The following RBP2 variants were observed in gnomAD, a reference collection of about 807,000 sequenced individuals.
The protein encoded by RBP2 is retinol binding protein 2, also known as retinol-binding protein 2.
In RBP2, 17 loss-of-function variants were observed where a neutral mutation model predicts 17.0. The observed-to-expected ratio is 1.00, with a 90% CI of 0.68 to 1.50. The LOEUF (loss-of-function observed/expected upper bound fraction) is 1.50. RBP2 is among the 40% of genes most tolerant of loss of function. RBP2 has a pLI of 0.00. For synonymous variants in RBP2, 48 were observed against 57.1 expected (o/e 0.84, Z 0.72); for missense variants, 158 against 168.2 (o/e 0.94, Z 0.33).
intron 1 of RBP2, among the ~76,000 whole-genome samples, chr3:139,464,465 C>A (rs1031967981): frequency 1.3e-5 from 2 of 151,902 alleles, no homozygotes; most frequent in Non-Finnish European, 2.9e-5. Flanking sequence ...AAAAAAAAAT[C>A]CTTCTTTGGT....
chr3:139,467,861 T>C (rs1262699978), intron 1 of RBP2, among the ~76,000 whole-genome samples: 3 of 152,176 alleles, frequency 2.0e-5, no homozygotes, highest in African/African-American at 4.8e-5. Flanking sequence ...CTTACTGTCA[T>C]AGACTTGGTC....
At chr3:139,459,400 A>ATGTGTGTGTGTGTGTGTGTGTGTG (rs57107462) in intron 2 of RBP2, among the ~76,000 whole-genome samples, 2 of 128,552 alleles carry the variant, frequency 1.6e-5, no homozygotes, top group African/African-American at 5.9e-5. Context: ...TACTATATAT[A>ATGTGTGTGTGTGTGTGTGTGTGTG]TGTGTGTGTG....
At chr3:139,465,438 A>G (rs1172798715) in intron 1 of RBP2, among the ~76,000 whole-genome samples, 1 of 152,074 alleles carries the variant, frequency 6.6e-6, no homozygotes, top group Non-Finnish European at 1.5e-5. Context: ...TTTTATCCTC[A>G]TTTTGCCACG....
rs972977952 is a variant in RBP2 at position 139,474,753 on chromosome 3, G to A, written c.73+1634C>T. On this transcript the variant is annotated intron_variant, in intron 1 of 3. Coordinates refer to ENST00000232217, the MANE Select transcript of RBP2 (RefSeq NM_004164.3). Reference sequence around the variant, plus strand: ...CAAGCCCTGGACTCTAGTCCGAGCTGTGTTGACCCTTCTGCTTTGGTTTCC... The same window carrying A: ...CAAGCCCTGGACTCTAGTCCGAGCTATGTTGACCCTTCTGCTTTGGTTTCC... 3.3e-5 allele frequency among the ~76,000 whole-genome samples: 5 copies of A among 152,182 alleles called. No individual in the cohort carries two copies. The East Asian group carries it at 5.8e-4, about 18-fold the overall frequency.
rs1390389313 is a variant in RBP2, at chr3:139,462,095, C to G, written c.252+17G>C. 5 of 1,607,376 alleles carry G rather than the reference C, an allele frequency of 3.1e-6. No individual in the cohort carries two copies. Among genetic ancestry groups the G allele is most frequent in the Non-Finnish European group, 4.3e-6 (5 of 1,174,912 alleles). ...GCACAGAATGTGTGAATGAAAAACA[C>G]CAGCCCCGGTCAGTACCTTAACATG... On this transcript the variant is annotated intron_variant, in intron 2 of 3. Coordinates refer to ENST00000232217, the MANE Select transcript of RBP2 (RefSeq NM_004164.3).
chr3:139,469,902 G>A (rs964491806), intron 1 of RBP2, among the ~76,000 whole-genome samples: 2 of 152,140 alleles, frequency 1.3e-5, no homozygotes, highest in African/African-American at 4.8e-5. Flanking sequence ...GCTGAGGAAA[G>A]GGCTGTGGGT....
intron 3 of RBP2, among the ~76,000 whole-genome samples, chr3:139,454,418 C>T (rs530481566): frequency 1.3e-5 from 2 of 152,280 alleles, no homozygotes; most frequent in Admixed American, 1.3e-4. Context: ...CATCTAAATT[C>T]TGTGGCTCAC....
At chr3:139,475,331 A>T (rs867725013) in intron 1 of RBP2, among the ~76,000 whole-genome samples, 38 of 150,326 alleles carry the variant, frequency 2.5e-4, no homozygotes, top group African/African-American at 8.4e-4. Context: ...AAATAAAAAA[A>T]AAAAAAAAAA....
chr3:139,457,266 C>A (rs569192686), intron 2 of RBP2, among the ~76,000 whole-genome samples: 1 of 152,274 alleles, frequency 6.6e-6, no homozygotes, highest in African/African-American at 2.4e-5. Context: ...TTCTATGGTC[C>A]TACCAGAGTG....
intron 2 of RBP2, among the ~76,000 whole-genome samples, chr3:139,460,947 C>T (rs1559805354): frequency 6.6e-6 from 1 of 152,158 alleles, no homozygotes; most frequent in Non-Finnish European, 1.5e-5. Context: ...CAATTGCAAC[C>T]ATGAAAAATG....
chr3:139,459,746 C>A (rs1336526151), intron 2 of RBP2, among the ~76,000 whole-genome samples: 2 of 151,926 alleles, frequency 1.3e-5, no homozygotes, highest in African/African-American at 4.8e-5. Context: ...ATCTGCTCTG[C>A]ATGGTGATTC....
intron 1 of RBP2, among the ~76,000 whole-genome samples, chr3:139,463,817 TA>T (rs1342437902): frequency 1.1e-4 from 17 of 152,366 alleles, no homozygotes; most frequent in African/African-American, 2.2e-4. Flanking sequence ...AAATCTTTAA[TA>T]TTTTTTTTAG....
At chr3:139,459,280 G>A (rs1576421133) in intron 2 of RBP2, among the ~76,000 whole-genome samples, 1 of 151,878 alleles carries the variant, frequency 6.6e-6, no homozygotes, top group South Asian at 2.1e-4. Flanking sequence ...CAGAGGCCAG[G>A]CATGGTGGCT....
At chr3:139,459,495 C>T (rs374920773) in intron 2 of RBP2, among the ~76,000 whole-genome samples, 52 of 149,342 alleles carry the variant, frequency 3.5e-4, no homozygotes, top group African/African-American at 1.1e-3. Context: ...TGGTGGCGCA[C>T]GCCTGTAATC....
chr3:139,470,086 A>G (rs1376673766), intron 1 of RBP2, among the ~76,000 whole-genome samples: 8 of 152,156 alleles, frequency 5.3e-5, no homozygotes, highest in African/African-American at 1.9e-4. Context: ...TCAAAGTGCC[A>G]ATTTTAATAC....
chr3:139,462,599 G>C (rs1195880203), intron 1 of RBP2, among the ~76,000 whole-genome samples: 5 of 61,430 alleles, frequency 8.1e-5, no homozygotes, highest in African/African-American at 2.6e-4. Context: ...ACACACACAC[G>C]TCACAGCAGC....
rs146722910 is a variant in RBP2 at position 139,463,117 on chromosome 3, A to G, written c.74-827T>C. ...CAAAATGCTGGGATTATGGGTGTGAACCATCATGCCTGGCCCCCAAGGTAG... is the reference window on the plus strand; with the variant it reads ...CAAAATGCTGGGATTATGGGTGTGAGCCATCATGCCTGGCCCCCAAGGTAG... On this transcript the variant is annotated intron_variant, in intron 1 of 3. Transcript: ENST00000232217. Among the ~76,000 whole-genome samples the G allele has an allele frequency of 4.5e-3, 679 of 152,076 alleles. 7 individuals carry two copies. The highest frequency in any genetic ancestry group is 0.016 in the African/African-American group (660 of 41,498).
At chr3:139,470,174 G>GC (rs1264978411) in intron 1 of RBP2, among the ~76,000 whole-genome samples, 4 of 152,004 alleles carry the variant, frequency 2.6e-5, no homozygotes, top group Non-Finnish European at 5.9e-5. Flanking sequence ...CGCCACCCCA[G>GC]CCTGGTACCT....
chr3:139,454,736 A>G lies in RBP2; in HGVS notation c.347T>C (p.Leu116Pro), dbSNP rs1943366676. 9.9e-6 allele frequency: 16 copies of G among 1,614,048 alleles called. No individual in the cohort carries two copies. Among genetic ancestry groups the G allele is most frequent in the Non-Finnish European group, 1.1e-5 (13 of 1,179,986 alleles). ...GCAGAACCCAGTACTTACCAGGTACAGCTTGTCCCCCTCAATCCACTGCTT... is the reference window on the plus strand; with the variant it reads ...GCAGAACCCAGTACTTACCAGGTACGGCTTGTCCCCCTCAATCCACTGCTT... ...GWKQWIEGDKLYLELTCGDQV... is the reference protein window; with the variant it reads ...GWKQWIEGDKPYLELTCGDQV... Residue 116 changes from leucine (L) to proline (P), a missense_variant, in exon 3 of 4, where the codon CTG becomes CCG. Leu to Pro is a moderately conservative substitution (Grantham distance 98). Transcript: ENST00000232217.
Sources: gnomAD v4.1 joint callset for allele counts (sites outside exome capture counted in the v4.1 genomes callset) on GRCh38, gnomAD v4.1.1 for gene constraint, MANE v1.5 for transcripts, NCBI Gene and HGNC (gene_info 2026-07-23, HGNC 2026-07-21) for gene names.